The following MEIS2 variants were observed in gnomAD, a reference collection of about 807,000 sequenced individuals.
The protein encoded by MEIS2 is Meis homeobox 2.
Under a neutral mutation model 58.6 loss-of-function variants are expected in MEIS2, and 9 were observed. The ratio of observed to expected loss-of-function variants is 0.15; its 90% CI spans 0.09 to 0.27. The LOEUF (loss-of-function observed/expected upper bound fraction) is 0.27. MEIS2 is among the 10% of genes least tolerant of loss of function. The pLI, the probability that MEIS2 is intolerant of heterozygous loss-of-function variation, is 1.00. For missense variants in MEIS2, 427 were observed against 635.0 expected, an observed-to-expected ratio of 0.67 and a Z score of 3.52; for synonymous variants, 221 against 228.4, an observed-to-expected ratio of 0.97 and a Z score of 0.29.
chr15:37,083,665 C>A (rs1375439002), intron 7 of MEIS2, 106 bp downstream of exon 7: 1 of 776,738 alleles, frequency 1.3e-6, no homozygotes, highest in East Asian at 2.8e-5. Context: ...TACTCCCTAA[C>A]CTGCCACTCT....
intron 8 of MEIS2, among the ~76,000 whole-genome samples, chr15:36,967,141 T>C (rs1314606600): frequency 6.6e-6 from 1 of 152,184 alleles, no homozygotes; most frequent in African/African-American, 2.4e-5. Context: ...CTCTGTCATG[T>C]AATGGGAGTT....
intron 9 of MEIS2, among the ~76,000 whole-genome samples, chr15:36,948,549 T>C (rs2058651657): frequency 1.3e-5 from 2 of 152,022 alleles, no homozygotes; most frequent in Non-Finnish European, 2.9e-5. Context: ...GAAATTCCCA[T>C]CACAAGCTCC....
chr15:37,008,878 A>G (rs978072297), intron 8 of MEIS2, among the ~76,000 whole-genome samples: 3 of 152,232 alleles, frequency 2.0e-5, no homozygotes, highest in African/African-American at 7.2e-5. Flanking sequence ...GGCTGAGAAT[A>G]AAGCAGAATG....
In MEIS2 at chr15:37,098,025, C is replaced by G; in HGVS notation, c.187G>C (p.Ala63Pro). ...AHAPHPNVMP[A>P]SMGSAVNDAL... The stretch of plus-strand genomic sequence containing the variant: ...TCGTTGACAGCGGATCCCATACTGG[C>G]CGGCATGACATTGGGGTGCGGGGCG... The change falls in exon 2 of 12, where the codon GCC (alanine) becomes CCC (proline). Residue 63 changes from alanine to proline, a missense_variant. By Grantham distance (27) the Ala-to-Pro change is conservative. Coordinates refer to ENST00000561208, the MANE Select transcript of MEIS2 (RefSeq NM_170675.5). The G allele has an allele frequency of 6.2e-7, 1 of 1,612,760 alleles. No individual in the cohort carries two copies. Among genetic ancestry groups the G allele is most frequent in the Non-Finnish European group, 8.5e-7 (1 of 1,179,182 alleles).
At chr15:36,915,865 A>G (rs12439749) in intron 9 of MEIS2, among the ~76,000 whole-genome samples, 101,617 of 152,062 alleles carry the variant, frequency 0.67, 34,197 homozygotes, top group Admixed American at 0.73. Context: ...AAAGATGAGG[A>G]TGCTTAGGAG....
chr15:36,979,283 C>T (rs1479098441), intron 8 of MEIS2, among the ~76,000 whole-genome samples: 1 of 152,012 alleles, frequency 6.6e-6, no homozygotes, highest in African/African-American at 2.4e-5. Context: ...GATTTGGGTA[C>T]CATCCCCAAG....
At chr15:37,079,812 C>T (rs563117982) in intron 7 of MEIS2, among the ~76,000 whole-genome samples, 28 of 152,240 alleles carry the variant, frequency 1.8e-4, no homozygotes, top group Middle Eastern at 3.4e-3. Flanking sequence ...CTGGCTTGTA[C>T]AGCCCTGTGT....
intron 8 of MEIS2, among the ~76,000 whole-genome samples, chr15:37,005,097 C>G (rs2060869723): frequency 6.6e-6 from 1 of 152,180 alleles, no homozygotes; most frequent in Admixed American, 6.5e-5. Context: ...GTTGAAACAT[C>G]TACTATCAAA....
At chr15:37,047,307 T>A (rs933186812) in intron 7 of MEIS2, among the ~76,000 whole-genome samples, 5 of 152,190 alleles carry the variant, frequency 3.3e-5, no homozygotes, top group Non-Finnish European at 7.3e-5. Context: ...TTTTTTAATG[T>A]TCTGTTCACC....
In MEIS2 at chr15:36,945,350, T is replaced by A. The variant is rs573437043; in HGVS notation, c.977+4974A>T. ...CACTCAGTTCCTGTCCATATTTTAA[T>A]CAGGGCTGAGAAGTTCTCCTAACAA... On this transcript the variant is annotated intron_variant, in intron 9 of 11. Transcript: ENST00000561208. Among the ~76,000 whole-genome samples, 15 of 152,210 alleles carry A rather than the reference T, an allele frequency of 9.9e-5. No individual in the cohort carries two copies. In the South Asian group the frequency reaches 3.1e-3, roughly 32 times the overall value.
intron 1 of MEIS2, chr15:37,098,940 C>A: frequency 1.0e-6 from 1 of 985,566 alleles, no homozygotes; most frequent in South Asian, 4.6e-5. Flanking sequence ...GCGTCCTTGT[C>A]AATTTCAGAG....
chr15:36,905,060 A>T (rs977079335), intron 9 of MEIS2, among the ~76,000 whole-genome samples: 2 of 152,100 alleles, frequency 1.3e-5, no homozygotes, highest in Non-Finnish European at 2.9e-5. Flanking sequence ...GCACATGTAC[A>T]TGCATGGAAA....
rs1892558753 is a variant in MEIS2, at chr15:37,083,874, A to G, written c.651T>C (p.Ser217=). The G allele has an allele frequency of 1.9e-6, 3 of 1,613,886 alleles. No individual in the cohort carries two copies. The highest frequency in any genetic ancestry group is 1.7e-6 in the Non-Finnish European group (2 of 1,179,922). The change falls in exon 7 of 12, where the codon TCT becomes TCC. Residue 217 remains serine, a synonymous_variant. Transcript: ENST00000561208. ...AGGTTGCATCATCGTGGTCTCGCCA[A>G]GAAGAAGGGTTCTGATGTCAGGATA... is the stretch of plus-strand genomic sequence containing the variant. ...STNLADHNPS[S]WRDHDDATST... is the part of the protein sequence containing the mutation.
At chr15:37,024,554 C>T (rs1420181166) in intron 8 of MEIS2, among the ~76,000 whole-genome samples, 1 of 152,212 alleles carries the variant, frequency 6.6e-6, no homozygotes, top group Non-Finnish European at 1.5e-5. Context: ...TTTCCTCACT[C>T]TTCTCCCATT....
rs1241167915 is a variant in MEIS2, at chr15:37,099,742, CT to C, written c.-277del. The C allele has an allele frequency of 7.5e-6, 3 of 402,602 alleles. No homozygotes were observed. The highest frequency in any genetic ancestry group is 2.1e-5 in the African/African-American group (1 of 48,352). The allele number at this position is 402,602 out of a possible 1,614,324, so 24.9% of individuals were successfully genotyped here. A position where few individuals can be genotyped will look rare whatever the true frequency, so the allele number is the denominator to read the frequency against. ...CTCCTCCACCTCCTCCTCCTCCCCCCTCCCCTCCTCCTCCTCTTCGGTCCTC... is the reference window on the plus strand; with the variant it reads ...CTCCTCCACCTCCTCCTCCTCCCCCCCCCCTCCTCCTCCTCTTCGGTCCTC... On this transcript the variant is annotated 5_prime_UTR_variant, in exon 1 of 12. Coordinates refer to ENST00000561208, the MANE Select transcript of MEIS2 (RefSeq NM_170675.5).
intron 7 of MEIS2, among the ~76,000 whole-genome samples, chr15:37,057,833 C>G (rs1888642764): frequency 6.6e-6 from 1 of 151,960 alleles, no homozygotes; most frequent in African/African-American, 2.4e-5. Flanking sequence ...AATCAAGAAG[C>G]CGAGGCTTGT....
At chr15:36,938,630 T>C (rs1160267020) in intron 9 of MEIS2, among the ~76,000 whole-genome samples, 1 of 152,372 alleles carries the variant, frequency 6.6e-6, no homozygotes, top group East Asian at 1.9e-4. Context: ...TCTGCATCTC[T>C]TGTTCTAATC....
chr15:37,058,124 T>G (rs28451118), intron 7 of MEIS2, among the ~76,000 whole-genome samples: 19,001 of 152,006 alleles, frequency 0.13, 1,393 homozygotes, highest in African/African-American at 0.19. Flanking sequence ...TCTACAGCAA[T>G]GGACTCATTC....
chr15:37,021,847 T>C (rs562745611), intron 8 of MEIS2, among the ~76,000 whole-genome samples: 10 of 152,212 alleles, frequency 6.6e-5, no homozygotes, highest in Admixed American at 1.3e-4. Flanking sequence ...TATGTCCATA[T>C]ATATTTTCTC....
Sources: allele counts gnomAD v4.1 joint callset (sites outside exome capture counted in the v4.1 genomes callset), GRCh38; gene constraint gnomAD v4.1.1; transcripts MANE v1.5; gene names NCBI Gene and HGNC (gene_info 2026-07-23, HGNC 2026-07-21).